SLC38A10: variants seen among roughly 807,000 people sequenced by gnomAD.
SLC38A10 encodes the protein solute carrier family 38 member 10.
In SLC38A10, 53 loss-of-function variants were observed where a neutral mutation model predicts 81.0. That is an observed-to-expected ratio of 0.65 (90% confidence interval 0.53 to 0.82). The LOEUF (loss-of-function observed/expected upper bound fraction) is 0.82, where lower values mean the gene tolerates loss of function less well. Ranked by LOEUF, SLC38A10 falls within the 40% of genes least tolerant of loss-of-function variation. SLC38A10 has a pLI of 0.00. For synonymous variants in SLC38A10, 665 were observed against 655.3 expected (o/e 1.01, Z -0.23); for missense variants, 1,471 against 1,545.0 (o/e 0.95, Z 0.80).
chr17:81,295,120 A>G lies in SLC38A10; in HGVS notation c.-199T>C. On this transcript the variant is annotated 5_prime_UTR_variant, in exon 1 of 16. Transcript: ENST00000374759. ...AGGCTGCCTGGAGGAGGCAGCCTCG[A>G]AGGCCGGCTGCGGGGGCGAGGTCAA... The G allele has an allele frequency of 1.0e-6, 1 of 974,340 alleles. No homozygotes were observed. Among genetic ancestry groups the G allele is most frequent in the Non-Finnish European group, 1.3e-6 (1 of 763,686 alleles). 60.4% of individuals were successfully genotyped at this position (974,340 alleles called of 1,614,324 possible).
intron 11 of SLC38A10, among the ~76,000 whole-genome samples, chr17:81,255,585 C>T (rs762873378): frequency 7.9e-5 from 12 of 152,212 alleles, no homozygotes; most frequent in Non-Finnish European, 1.3e-4. Flanking sequence ...GCAACACACC[C>T]GGCTAAGCCA....
At chr17:81,290,095 C>T (rs1047868716) in intron 1 of SLC38A10, among the ~76,000 whole-genome samples, 1 of 152,184 alleles carries the variant, frequency 6.6e-6, no homozygotes, top group East Asian at 1.9e-4. Context: ...AACTAATACC[C>T]CCTTGTTCTC....
At position 81,281,159 on chromosome 17, in the gene SLC38A10, T is replaced by TAC. The variant is rs1428219243; in HGVS notation, c.502-427_502-426insGT. ...AGACTGGCCCACCAGGACGCGGCTG[T>TAC]CTCAAGAGTAAAGAGGTAGCTGCCA... On this transcript the variant is annotated intron_variant, in intron 5 of 15. Coordinates refer to ENST00000374759, the MANE Select transcript of SLC38A10 (RefSeq NM_001037984.3). This position sits in a 1 kb window ranked among gnomAD's most constrained non-coding sequence, Gnocchi z 5.3. Among the ~76,000 whole-genome samples, 5 of 152,170 alleles carry TAC rather than the reference T, an allele frequency of 3.3e-5. No individual in the cohort carries two copies. Among genetic ancestry groups the TAC allele is most frequent in the Admixed American group, 1.3e-4 (2 of 15,278 alleles).
intron 11 of SLC38A10, among the ~76,000 whole-genome samples, chr17:81,255,310 A>C (rs1040731518): frequency 3.3e-5 from 5 of 152,268 alleles, no homozygotes; most frequent in African/African-American, 1.2e-4. Flanking sequence ...CAATGCACAC[A>C]GCCTTCTCCA....
At chr17:81,285,087 G>T (rs989851796) in intron 2 of SLC38A10, 192 bp from the exon 3 acceptor site, 7 of 472,888 alleles carry the variant, frequency 1.5e-5, no homozygotes, top group Admixed American at 8.3e-5. Context: ...GAAACTACAA[G>T]AAACAAAGAC....
chr17:81,265,830 C>T lies in SLC38A10; in HGVS notation c.1131+5088G>A, dbSNP rs529176827. ...GGCACACGGTGGTCCGCTGGCCCCACGACCTACTGCGGAGCCGTAGGAGCG... is the reference window on the plus strand; with the variant it reads ...GGCACACGGTGGTCCGCTGGCCCCATGACCTACTGCGGAGCCGTAGGAGCG... On this transcript the variant is annotated intron_variant, in intron 10 of 15. Transcript: ENST00000374759. This position sits in a 1 kb window ranked among gnomAD's most constrained non-coding sequence, Gnocchi z 4.2. Among the ~76,000 whole-genome samples the T allele has an allele frequency of 1.3e-4, 20 of 152,188 alleles. No homozygotes were observed. Among genetic ancestry groups the T allele is most frequent in the Non-Finnish European group, 1.2e-4 (8 of 68,024 alleles).
chr17:81,273,683 C>T (rs1298784928), intron 8 of SLC38A10, among the ~76,000 whole-genome samples: 1 of 152,178 alleles, frequency 6.6e-6, no homozygotes, highest in African/African-American at 2.4e-5. Context: ...AGGTCCATCA[C>T]ACAAGAGTCC....
intron 14 of SLC38A10, 60 bp from the exon 15 acceptor site, chr17:81,247,121 G>A: frequency 6.7e-7 from 1 of 1,498,120 alleles, no homozygotes; most frequent in Non-Finnish European, 8.9e-7. Flanking sequence ...TGCTGGGCCA[G>A]GGACGGCGCG....
chr17:81,247,269 T>C, intron 14 of SLC38A10: 1 of 466,626 alleles, frequency 2.1e-6, no homozygotes, highest in Non-Finnish European at 3.6e-6. Context: ...CGGGAGAGGC[T>C]GCGCCCTGAC....
In SLC38A10 at chr17:81,245,267, G is replaced by A. The variant is rs942305625; in HGVS notation, c.*289C>T. ...CCAGCCTGAGCCTGGGAGTGCACCA[G>A]CCAGCTCGCAGCGGAGGCCGTTTCT... is the stretch of plus-strand genomic sequence containing the variant. On this transcript the variant is annotated 3_prime_UTR_variant, in exon 16 of 16. Coordinates refer to ENST00000374759, the MANE Select transcript of SLC38A10 (RefSeq NM_001037984.3). The A allele has an allele frequency of 8.1e-6, 3 of 370,602 alleles. No homozygotes were observed. Among genetic ancestry groups the A allele is most frequent in the Non-Finnish European group, 1.5e-5 (3 of 205,026 alleles). 23.0% of individuals were successfully genotyped at this position (370,602 alleles called of 1,614,324 possible). A position where few individuals can be genotyped will look rare whatever the true frequency, so the allele number is the denominator to read the frequency against.
intron 9 of SLC38A10, among the ~76,000 whole-genome samples, chr17:81,272,189 C>G (rs1310326937): frequency 1.3e-5 from 2 of 152,162 alleles, no homozygotes; most frequent in East Asian, 1.9e-4. Context: ...TGCACCATGA[C>G]GCCCTGCTAA....
In SLC38A10 at chr17:81,272,582, G is replaced by A. The variant is rs751602403; in HGVS notation, c.958C>T (p.Arg320Trp). ...FAAGGYMPPL[R>W]FKALTLSVVF... The stretch of plus-strand genomic sequence containing the variant: ...ACAGAGAGGGTAAGTGCTTTAAACC[G>A]GAGAGGGGGCATGTAGCCCCCTGCT... The change falls in exon 9 of 16, where the codon CGG (arginine) becomes TGG (tryptophan). Residue 320 changes from arginine (R) to tryptophan (W), a missense_variant. Transcript: ENST00000374759. 2.3e-5 allele frequency: 37 copies of A among 1,585,122 alleles called. No individual in the cohort carries two copies. Among genetic ancestry groups the A allele is most frequent in the East Asian group, 7.0e-5 (3 of 42,706 alleles).
intron 1 of SLC38A10, among the ~76,000 whole-genome samples, chr17:81,293,930 A>C (rs977989410): frequency 6.6e-6 from 1 of 152,214 alleles, no homozygotes; most frequent in Non-Finnish European, 1.5e-5. Flanking sequence ...TGTGTTATTC[A>C]ATGCTGGAAT....
rs1380503182 is a variant in SLC38A10 at position 81,246,324 on chromosome 17, G to A, written c.2592C>T (p.Ala864=). ...GPEQVPVPDP[A]REAGGPEERL... ...GCTCCTCTGGGCCCCCGGCTTCCCT[G>A]GCGGGGTCTGGCACGGGCACCTGCT... is the stretch of plus-strand genomic sequence containing the variant. The change falls in exon 16 of 16, where the codon GCC becomes GCT. Residue 864 remains alanine (A), a synonymous_variant. Coordinates refer to ENST00000374759, the MANE Select transcript of SLC38A10 (RefSeq NM_001037984.3). 1.9e-6 allele frequency: 3 copies of A among 1,609,304 alleles called. No homozygotes were observed. The highest frequency in any genetic ancestry group is 2.7e-5 in the African/African-American group (2 of 74,932).
At chr17:81,275,902 T>TG in intron 8 of SLC38A10, 67 bp downstream of exon 8, 1 of 1,504,642 alleles carries the variant, frequency 6.6e-7, no homozygotes, top group African/African-American at 1.4e-5. Context: ...TCGGGACAGC[T>TG]GGGGGCTTAT....
rs1361258067 is a variant in SLC38A10 at position 81,288,000 on chromosome 17, C to G, written c.217+1691G>C. On this transcript the variant is annotated intron_variant, in intron 2 of 15. Coordinates refer to ENST00000374759, the MANE Select transcript of SLC38A10 (RefSeq NM_001037984.3). Reference sequence around the variant, plus strand: ...CTGGCATCCGGTAGGCATCTTTCAGCCCAAGTTGCATTAGGCCATCTCACT... The same window carrying G: ...CTGGCATCCGGTAGGCATCTTTCAGGCCAAGTTGCATTAGGCCATCTCACT... Among the ~76,000 whole-genome samples, 5 of 152,256 alleles carry G rather than the reference C, an allele frequency of 3.3e-5. No homozygotes were observed. In the East Asian group the frequency reaches 7.7e-4, roughly 23 times the overall value.
chr17:81,252,390 C>G lies in SLC38A10; in HGVS notation c.1750G>C (p.Asp584His), dbSNP rs1445910963. 7.4e-6 allele frequency: 12 copies of G among 1,613,102 alleles called. No homozygotes were observed. The African/African-American group carries it at 1.2e-4, about 16-fold the overall frequency. The change falls in exon 13 of 16, where the codon GAT becomes CAT. Residue 584 changes from aspartate to histidine, a missense_variant. Physicochemically the swap from Asp to His is moderately conservative, Grantham distance 81. Around this residue, in one of 2 missense-constraint regions of SLC38A10, gnomAD observed 720 missense variants for 827.7 expected, o/e 0.87. Coordinates refer to ENST00000374759, the MANE Select transcript of SLC38A10 (RefSeq NM_001037984.3). ...GCAGGCTGGACAGCTGGCTGACCAT[C>G]TGCTTCTGGAACTTTCTGGGGATCT... ...PEDPQKVPEA[D>H]GQPAVQPAKE...
chr17:81,256,402 C>T (rs1380225999), intron 11 of SLC38A10, among the ~76,000 whole-genome samples: 1 of 152,228 alleles, frequency 6.6e-6, no homozygotes, highest in Non-Finnish European at 1.5e-5. Context: ...GGGAGGCCAG[C>T]GACGCTGCCG....
chr17:81,246,893 G>A lies in SLC38A10; in HGVS notation c.2234C>T (p.Pro745Leu), dbSNP rs1487476995. The A allele has an allele frequency of 3.1e-6, 5 of 1,597,244 alleles. No individual in the cohort carries two copies. Among genetic ancestry groups the A allele is most frequent in the Non-Finnish European group, 4.3e-6 (5 of 1,171,280 alleles). Reference sequence around the variant, plus strand: ...CCGCCAGCCCGGCCTACCCTGCCTGGGTTTATCCTCCTCGTCCTCCTGCCT... The same window carrying A: ...CCGCCAGCCCGGCCTACCCTGCCTGAGTTTATCCTCCTCGTCCTCCTGCCT... Reference protein sequence around the residue: ...QQRQEDEEDKPRQVEVHQEPG... With the variant: ...QQRQEDEEDKLRQVEVHQEPG... Residue 745 changes from proline to leucine, a missense_variant, in exon 15 of 16, where the codon CCC becomes CTC. By Grantham distance (98) the Pro-to-Leu change is moderately conservative. Around this residue, in one of 2 missense-constraint regions of SLC38A10, gnomAD observed 751 missense variants for 717.4 expected, o/e 1.05. Coordinates refer to ENST00000374759, the MANE Select transcript of SLC38A10 (RefSeq NM_001037984.3).
Sources: gnomAD v4.1 joint callset for allele counts (sites outside exome capture counted in the v4.1 genomes callset) on GRCh38, gnomAD v4.1.1 for gene constraint, gnomAD v4.1.1 regional missense constraint, Gnocchi (gnomAD v3.1) non-coding constraint, MANE v1.5 for transcripts, NCBI Gene and HGNC (gene_info 2026-07-23, HGNC 2026-07-21) for gene names.